NALCN: variants seen among roughly 807,000 people sequenced by gnomAD.
NALCN encodes sodium leak channel NALCN.
Under a neutral mutation model 225.3 loss-of-function variants are expected in NALCN, and 111 were observed. That is an observed-to-expected ratio of 0.49 (90% CI 0.42 to 0.58). The LOEUF is 0.58. Ranked by LOEUF, NALCN falls within the 20% of genes least tolerant of loss-of-function variation. The pLI, the probability that NALCN is intolerant of heterozygous loss-of-function variation, is 0.00. For synonymous variants in NALCN, 764 were observed against 769.0 expected, an observed-to-expected ratio of 0.99 and a Z score of 0.11; for missense variants, 1,378 against 2,202.4, an observed-to-expected ratio of 0.63 and a Z score of 7.49.
At position 101,416,305 on chromosome 13, in the gene NALCN, T is replaced by C. The variant is rs2047946732; in HGVS notation, c.-40+8A>G. ...GCAGCCTCCCGGGCACCGGCGGCGG[T>C]GACCAACCTGTAACCCCAGCGCTCA... On this transcript the variant is annotated splice_region_variant and intron_variant, in intron 1 of 43. Coordinates refer to ENST00000251127, the MANE Select transcript of NALCN (RefSeq NM_052867.4). 6.6e-6 allele frequency: 1 copy of C among 151,744 alleles called. No individual in the cohort carries two copies. Among genetic ancestry groups the C allele is most frequent in the South Asian group, 2.1e-4 (1 of 4,840 alleles). 9.4% of individuals were successfully genotyped at this position (151,744 alleles called of 1,614,324 possible).
intron 6 of NALCN, among the ~76,000 whole-genome samples, chr13:101,353,082 C>T (rs1345968204): frequency 6.6e-6 from 1 of 152,020 alleles, no homozygotes; most frequent in Non-Finnish European, 1.5e-5. Flanking sequence ...ATAGTATGTT[C>T]TAGAAATACA....
At chr13:101,280,709 G>C (rs2138992174) in intron 10 of NALCN, among the ~76,000 whole-genome samples, 1 of 152,140 alleles carries the variant, frequency 6.6e-6, no homozygotes, top group Non-Finnish European at 1.5e-5. Flanking sequence ...GGAGCCATAA[G>C]ACCCAGCCAT....
chr13:101,178,544 A>G (rs2039058191), intron 14 of NALCN, among the ~76,000 whole-genome samples: 1 of 152,204 alleles, frequency 6.6e-6, no homozygotes, highest in Non-Finnish European at 1.5e-5. Flanking sequence ...TCCTTGAAGT[A>G]ATGTAAACAT....
intron 10 of NALCN, among the ~76,000 whole-genome samples, chr13:101,275,765 A>G (rs572472566): frequency 6.6e-6 from 1 of 152,164 alleles, no homozygotes; most frequent in South Asian, 2.1e-4. Flanking sequence ...TGGCTTATCT[A>G]TGTTCCTAGG....
intron 10 of NALCN, among the ~76,000 whole-genome samples, chr13:101,277,495 A>C (rs1259154080): frequency 6.6e-6 from 1 of 152,190 alleles, no homozygotes; most frequent in Non-Finnish European, 1.5e-5. Flanking sequence ...TGAGTCACCC[A>C]ACCAAGTGCC....
At chr13:101,272,755 G>A (rs930255295) in intron 10 of NALCN, among the ~76,000 whole-genome samples, 3 of 152,142 alleles carry the variant, frequency 2.0e-5, no homozygotes, top group East Asian at 1.9e-4. Context: ...AGAGAGCTGC[G>A]TTCTGGAGGG....
intron 7 of NALCN, among the ~76,000 whole-genome samples, chr13:101,312,094 T>C (rs973388396): frequency 6.6e-6 from 1 of 152,146 alleles, no homozygotes; most frequent in African/African-American, 2.4e-5. Context: ...CTTGGGAGGG[T>C]GTACGTGTCG....
At chr13:101,357,517 G>C (rs1442481228) in intron 6 of NALCN, among the ~76,000 whole-genome samples, 1 of 152,120 alleles carries the variant, frequency 6.6e-6, no homozygotes, top group Non-Finnish European at 1.5e-5. Context: ...ACAAATCACT[G>C]CTCAAGGAAA....
At chr13:101,361,188 T>G (rs1204391338) in intron 6 of NALCN, among the ~76,000 whole-genome samples, 3 of 152,160 alleles carry the variant, frequency 2.0e-5, no homozygotes, top group Non-Finnish European at 2.9e-5. Flanking sequence ...GCTGTAGTTA[T>G]GCATACTTAT....
rs17620763 is a variant in NALCN, at chr13:101,060,222, A to G, written c.4756-255T>C. ...TGTAACAATCAGAATAGTGACGGTC[A>G]TTGATGCTTGTATTTTATTTATTTG... On this transcript the variant is annotated intron_variant, in intron 41 of 43. Transcript: ENST00000251127. Among the ~76,000 whole-genome samples, 6,827 of 141,920 alleles carry G rather than the reference A, an allele frequency of 0.048. 202 individuals are homozygous for G. Among genetic ancestry groups the G allele is most frequent in the East Asian group, 0.099 (463 of 4,660 alleles). 93.1% of individuals were successfully genotyped at this position (141,920 alleles called of 152,430 possible). A position where few individuals can be genotyped will look rare whatever the true frequency, so the allele number is the denominator to read the frequency against.
intron 3 of NALCN, among the ~76,000 whole-genome samples, chr13:101,381,700 C>T (rs577622461): frequency 2.6e-5 from 4 of 151,994 alleles, no homozygotes; most frequent in East Asian, 3.9e-4. Flanking sequence ...ACAAAACAAA[C>T]GCTTCTGTCT....
intron 7 of NALCN, among the ~76,000 whole-genome samples, chr13:101,324,988 G>T (rs935954158): frequency 1.3e-5 from 2 of 152,098 alleles, no homozygotes. Flanking sequence ...AGCATGAAGG[G>T]CTGTTGCATT....
intron 14 of NALCN, among the ~76,000 whole-genome samples, chr13:101,188,573 C>T (rs1411308704): frequency 1.3e-5 from 2 of 151,344 alleles, no homozygotes; most frequent in African/African-American, 2.4e-5. Context: ...TATACACACA[C>T]ATATATATAC....
intron 12 of NALCN, among the ~76,000 whole-genome samples, chr13:101,232,065 T>A (rs2140140146): frequency 6.6e-6 from 1 of 151,702 alleles, no homozygotes; most frequent in African/African-American, 2.4e-5. Flanking sequence ...ACAGAGCTCC[T>A]GGGAGCCATC....
intron 7 of NALCN, among the ~76,000 whole-genome samples, chr13:101,333,289 T>TGC (rs2045251385): frequency 6.6e-6 from 1 of 152,236 alleles, no homozygotes; most frequent in Admixed American, 6.5e-5. Context: ...TTATATTTAT[T>TGC]AGCCATTCAT....
chr13:101,156,831 T>C lies in NALCN; in HGVS notation c.1840-11935A>G, dbSNP rs116107389. Among the ~76,000 whole-genome samples, 750 of 152,352 alleles carry C rather than the reference T, an allele frequency of 4.9e-3. 11 individuals are homozygous for C. Among genetic ancestry groups the C allele is most frequent in the African/African-American group, 0.017 (715 of 41,578 alleles). On this transcript the variant is annotated intron_variant, in intron 15 of 43. Transcript: ENST00000251127. ...CGTACTTTGGAATGCAGTCTTAACA[T>C]TGGGGTCTTGGACCCCAGCAGTGTC...
At chr13:101,160,099 T>C (rs1022114157) in intron 15 of NALCN, among the ~76,000 whole-genome samples, 11 of 151,976 alleles carry the variant, frequency 7.2e-5, no homozygotes, top group East Asian at 1.9e-4. Context: ...GGACTACAGG[T>C]ACACACCACC....
intron 13 of NALCN, among the ~76,000 whole-genome samples, chr13:101,219,371 G>C (rs1035796114): frequency 3.3e-5 from 5 of 152,118 alleles, no homozygotes; most frequent in Non-Finnish European, 7.4e-5. Flanking sequence ...CTGGGAAAAG[G>C]AATCCGGCAT....
intron 10 of NALCN, among the ~76,000 whole-genome samples, chr13:101,262,044 G>C (rs2042446259): frequency 6.6e-6 from 1 of 152,118 alleles, no homozygotes; most frequent in Admixed American, 6.5e-5. Context: ...TTGCTGAGGG[G>C]TTTTACCATG....
Sources: allele counts gnomAD v4.1 joint callset (sites outside exome capture counted in the v4.1 genomes callset), GRCh38; gene constraint gnomAD v4.1.1; transcripts MANE v1.5; gene names NCBI Gene and HGNC (gene_info 2026-07-23, HGNC 2026-07-21).